Variants in ITPK1 observed in about 807,000 individuals in gnomAD.
The protein encoded by ITPK1 is inositol-tetrakisphosphate 1-kinase.
In ITPK1, 21 loss-of-function variants were observed where a neutral mutation model predicts 45.3. The observed-to-expected ratio is 0.46, with a 90% CI of 0.33 to 0.67. The LOEUF is 0.67. Among genes scored for constraint, ITPK1 ranks in the 30% least tolerant of loss-of-function variants. ITPK1 has a pLI of 0.02. For missense variants in ITPK1, 474 were observed against 573.5 expected (o/e 0.83, Z 1.77); for synonymous variants, 258 against 253.6 (o/e 1.02, Z -0.16).
At chr14:93,002,654 G>A (rs1461629265) in intron 4 of ITPK1, among the ~76,000 whole-genome samples, 1 of 152,148 alleles carries the variant, frequency 6.6e-6, no homozygotes, top group East Asian at 1.9e-4. Flanking sequence ...TCTGCATGAG[G>A]TAGAGCATCC....
intron 2 of ITPK1, among the ~76,000 whole-genome samples, chr14:93,089,522 A>G (rs553198123): frequency 1.7e-4 from 26 of 152,302 alleles, no homozygotes; most frequent in African/African-American, 6.3e-4. Context: ...GCCCACAGGC[A>G]GGGAAGAGAG....
In ITPK1 at chr14:92,937,165, G is replaced by A. The variant is rs1439986181; in HGVS notation, c.*4396C>T. 2 of 152,260 alleles carry A rather than the reference G, an allele frequency of 1.3e-5. No individual in the cohort carries two copies. The highest frequency in any genetic ancestry group is 2.9e-5 in the Non-Finnish European group (2 of 68,052). The allele number at this position is 152,260 out of a possible 1,614,324, so 9.4% of individuals were successfully genotyped here. ...CAGGCGAATGAGCCAATGGACAGAA[G>A]CCATGGTGTCTGTATCTCATACATG... is the stretch of plus-strand genomic sequence containing the variant. On this transcript the variant is annotated 3_prime_UTR_variant, in exon 11 of 11. Transcript: ENST00000267615.
At chr14:93,111,338 T>C (rs1004622140) in intron 2 of ITPK1, among the ~76,000 whole-genome samples, 2 of 152,032 alleles carry the variant, frequency 1.3e-5, no homozygotes, top group Admixed American at 6.6e-5. Context: ...AACTACAAAA[T>C]TTAAAATTAA....
chr14:93,011,590 C>A (rs1887913268), intron 4 of ITPK1, among the ~76,000 whole-genome samples: 1 of 152,204 alleles, frequency 6.6e-6, no homozygotes, highest in African/African-American at 2.4e-5. Context: ...GAGGTGAGTG[C>A]AACTTTGTCC....
chr14:92,970,121 G>T (rs1454580375), intron 5 of ITPK1, among the ~76,000 whole-genome samples: 1 of 152,158 alleles, frequency 6.6e-6, no homozygotes, highest in East Asian at 1.9e-4. Context: ...GAACTTACAA[G>T]AAAACAAAAG....
At chr14:93,093,167 C>T (rs757653830) in intron 2 of ITPK1, among the ~76,000 whole-genome samples, 2 of 152,188 alleles carry the variant, frequency 1.3e-5, no homozygotes, top group Non-Finnish European at 2.9e-5. Flanking sequence ...GACAGCACAA[C>T]GGCAAATACC....
intron 6 of ITPK1, 34 bp downstream of exon 6, chr14:92,962,717 G>A (rs567500566): frequency 1.3e-5 from 19 of 1,503,102 alleles, no homozygotes; most frequent in African/African-American, 1.2e-4. Context: ...GGTCTACAGC[G>A]CCTGCCCTCA....
At chr14:92,941,990 G>A in intron 10 of ITPK1, 86 bp from the exon 11 acceptor site, 1 of 1,188,098 alleles carries the variant, frequency 8.4e-7, no homozygotes, top group Non-Finnish European at 1.2e-6. Flanking sequence ...AGAACCGATG[G>A]GCTCCTGGGA....
At chr14:93,082,267 G>T (rs1490707452) in intron 2 of ITPK1, among the ~76,000 whole-genome samples, 1 of 152,206 alleles carries the variant, frequency 6.6e-6, no homozygotes, top group Non-Finnish European at 1.5e-5. Flanking sequence ...GGAGACGAGA[G>T]AACACTGCAA....
At chr14:92,976,419 G>C (rs1197572540) in intron 5 of ITPK1, among the ~76,000 whole-genome samples, 9 of 152,288 alleles carry the variant, frequency 5.9e-5, no homozygotes, top group Middle Eastern at 3.4e-3. Flanking sequence ...CAGTAGTCTG[G>C]CTACTCTGTC....
In ITPK1 at chr14:92,954,725, C is replaced by T. The variant is rs1272521533; in HGVS notation, c.671-2712G>A. Among the ~76,000 whole-genome samples, 5 of 151,952 alleles carry T rather than the reference C, an allele frequency of 3.3e-5. No individual in the cohort carries two copies. The East Asian group carries it at 7.8e-4, about 24-fold the overall frequency. ...CGAGCTGGGCCACACTGCTTTTAGC[C>T]TTATTTCCTTCATCTCCTCTCTCTC... On this transcript the variant is annotated intron_variant, in intron 8 of 10. Coordinates refer to ENST00000267615, the MANE Select transcript of ITPK1 (RefSeq NM_014216.6).
intron 3 of ITPK1, among the ~76,000 whole-genome samples, chr14:93,035,022 G>A (rs1889257971): frequency 6.6e-6 from 1 of 152,180 alleles, no homozygotes; most frequent in South Asian, 2.1e-4. Context: ...TCCTTCTTTT[G>A]GGTCCTGCCT....
In ITPK1 at chr14:93,032,306, C is replaced by G. The variant is rs568693945; in HGVS notation, c.121-15505G>C. ...CGGAGGTTGCAGTGAGCCGAGATTA[C>G]GCCACTGCACTCCAGGCTGGGCGAC... On this transcript the variant is annotated intron_variant, in intron 3 of 10. Coordinates refer to ENST00000267615, the MANE Select transcript of ITPK1 (RefSeq NM_014216.6). This position sits in a 1 kb window ranked among gnomAD's most constrained non-coding sequence, Gnocchi z 4.0. Among the ~76,000 whole-genome samples, 1 of 152,030 alleles carries G rather than the reference C, an allele frequency of 6.6e-6. No individual in the cohort carries two copies. The highest frequency in any genetic ancestry group is 2.4e-5 in the African/African-American group (1 of 41,374).
At chr14:92,945,010 C>T (rs1050163221) in intron 10 of ITPK1, among the ~76,000 whole-genome samples, 2 of 152,252 alleles carry the variant, frequency 1.3e-5, no homozygotes, top group Admixed American at 6.5e-5. Context: ...CTGCTGTAGC[C>T]ACAGGGCTCC....
chr14:93,011,830 A>G (rs1887925395), intron 4 of ITPK1, among the ~76,000 whole-genome samples: 1 of 152,150 alleles, frequency 6.6e-6, no homozygotes, highest in East Asian at 1.9e-4. Flanking sequence ...CCTTCCAAGC[A>G]GGGCCTCTCT....
chr14:93,002,171 T>G (rs886946655), intron 4 of ITPK1, among the ~76,000 whole-genome samples: 1 of 151,974 alleles, frequency 6.6e-6, no homozygotes, highest in African/African-American at 2.4e-5. Context: ...CTGGGCAACA[T>G]AGCAAGACCC....
intron 5 of ITPK1, among the ~76,000 whole-genome samples, chr14:92,978,200 C>A (rs975560375): frequency 2.6e-5 from 4 of 151,910 alleles, no homozygotes; most frequent in African/African-American, 9.7e-5. Context: ...GAACTTTGAA[C>A]TTGAGAGAGA....
intron 5 of ITPK1, among the ~76,000 whole-genome samples, chr14:92,975,334 C>T (rs937910241): frequency 5.3e-5 from 8 of 152,176 alleles, no homozygotes; most frequent in East Asian, 1.9e-4. Flanking sequence ...CCAGTTCCTC[C>T]GACATTAAGG....
At chr14:93,107,584 C>T (rs537206015) in intron 2 of ITPK1, among the ~76,000 whole-genome samples, 4 of 152,246 alleles carry the variant, frequency 2.6e-5, no homozygotes, top group African/African-American at 9.6e-5. Context: ...CAGGTGTGCC[C>T]TGGAACATCA....
Sources: allele counts gnomAD v4.1 joint callset (sites outside exome capture counted in the v4.1 genomes callset), GRCh38; gene constraint gnomAD v4.1.1; non-coding constraint Gnocchi (gnomAD v3.1); transcripts MANE v1.5; gene names NCBI Gene and HGNC (gene_info 2026-07-23, HGNC 2026-07-21).